CELF2: variants seen among roughly 807,000 people sequenced by gnomAD.
The protein encoded by CELF2 is CUG triplet repeat RNA-binding protein 2.
A neutral mutation model predicts 62.6 loss-of-function variants in CELF2; 8 were observed. The observed-to-expected ratio is 0.13, with a 90% CI of 0.07 to 0.23. CELF2 has a LOEUF of 0.23. Among genes scored for constraint, CELF2 ranks in the 10% least tolerant of loss-of-function variants. The pLI, the probability that CELF2 is intolerant of heterozygous loss-of-function variation, is 1.00. For synonymous variants in CELF2, 258 were observed against 250.0 expected, an observed-to-expected ratio of 1.03 and a Z score of -0.30; for missense variants, 333 against 671.0, an observed-to-expected ratio of 0.50 and a Z score of 5.56.
intron 1 of CELF2, among the ~76,000 whole-genome samples, chr10:11,056,357 T>C (rs1266492133): frequency 6.6e-6 from 1 of 152,252 alleles, no homozygotes; most frequent in African/African-American, 2.4e-5. Flanking sequence ...CTAAGATGCA[T>C]AGCTAGGAAT....
the CELF2 span, among the ~76,000 whole-genome samples, chr10:10,512,822 C>T: frequency 9.2e-5 from 14 of 152,272 alleles, no homozygotes; most frequent in Non-Finnish European, 1.3e-4. Flanking sequence ...TACTGAATTT[C>T]GTTTGGCATC....
rs1218742732 is a variant in CELF2 at position 11,280,283 on chromosome 10, G to A, written c.841+5163G>A. On this transcript the variant is annotated intron_variant, in intron 8 of 12. Coordinates refer to ENST00000633077, the MANE Select transcript of CELF2 (RefSeq NM_001326342.2). The surrounding 1 kb of genome is among the most constrained non-coding windows in gnomAD (Gnocchi z 7.6). ...AGGGGAGTTGCAGGAGAGGCCCCGC[G>A]CCCCATCCAGGAGCAGGCCTGCGCC... Among the ~76,000 whole-genome samples the A allele has an allele frequency of 1.3e-5, 2 of 152,120 alleles. No homozygotes were observed. Among genetic ancestry groups the A allele is most frequent in the African/African-American group, 4.8e-5 (2 of 41,382 alleles).
At position 11,268,693 on chromosome 10, in the gene CELF2, G is replaced by C. The variant is rs2082851491; in HGVS notation, c.619-1973G>C. On this transcript the variant is annotated intron_variant, in intron 6 of 12. Transcript: ENST00000633077. This position sits in a 1 kb window ranked among gnomAD's most constrained non-coding sequence, Gnocchi z 4.7. The stretch of plus-strand genomic sequence containing the variant: ...GGGTCCTCTGACACTTAAATTTCTT[G>C]TTTGGTTTTTTTTTTAATTGGCATT... Among the ~76,000 whole-genome samples the C allele has an allele frequency of 2.7e-5, 2 of 72,836 alleles. No homozygotes were observed. The highest frequency in any genetic ancestry group is 2.6e-4 in the Admixed American group (2 of 7,652). The allele number at this position is 72,836 out of a possible 152,430, so 47.8% of individuals were successfully genotyped here.
rs73579418 is a variant in CELF2, at chr10:10,971,427, C to T, written c.89+51428C>T. Among the ~76,000 whole-genome samples, 1,063 of 152,288 alleles carry T rather than the reference C, an allele frequency of 7.0e-3. 15 individuals are homozygous for T. The highest frequency in any genetic ancestry group is 0.024 in the African/African-American group (1,002 of 41,556). On this transcript the variant is annotated intron_variant, in intron 2 of 13. Transcript: ENST00000636488. ...TCGCTCACTTGCTTTTTCTATCCAG[C>T]CTATAAATTTGCAAAATGCTCTGCC...
chr10:11,072,413 A>G (rs1325626097), intron 1 of CELF2, among the ~76,000 whole-genome samples: 3 of 152,168 alleles, frequency 2.0e-5, no homozygotes, highest in Admixed American at 6.5e-5. Context: ...GAATGGTTGG[A>G]CTGTGTTTCC....
chr10:11,193,760 T>A (rs919862431), intron 2 of CELF2, among the ~76,000 whole-genome samples: 2 of 152,238 alleles, frequency 1.3e-5, no homozygotes, highest in African/African-American at 4.8e-5. Flanking sequence ...GACTGTTTGA[T>A]CTTATGCATG....
At chr10:11,099,522 T>C (rs987722802) in intron 1 of CELF2, among the ~76,000 whole-genome samples, 1 of 152,170 alleles carries the variant, frequency 6.6e-6, no homozygotes, top group African/African-American at 2.4e-5. Context: ...ATTTTAGAGA[T>C]GGATTAAAAA....
At chr10:10,853,820 G>A (rs1591204457) in intron 1 of CELF2, among the ~76,000 whole-genome samples, 1 of 152,064 alleles carries the variant, frequency 6.6e-6, no homozygotes, top group Non-Finnish European at 1.5e-5. Context: ...AGAAAATCAG[G>A]AAGCCACTAG....
intron 1 of CELF2, among the ~76,000 whole-genome samples, chr10:11,158,515 A>G (rs2065014398): frequency 6.6e-6 from 1 of 151,986 alleles, no homozygotes; most frequent in African/African-American, 2.4e-5. Flanking sequence ...ACAGAAGGAA[A>G]TGAGTTGCCT....
chr10:11,263,380 C>G (rs951821945), intron 5 of CELF2, among the ~76,000 whole-genome samples: 2 of 152,004 alleles, frequency 1.3e-5, no homozygotes, highest in South Asian at 4.2e-4. Flanking sequence ...TGTTGTCTTA[C>G]CAAAACTCCC....
chr10:11,260,264 C>T lies in CELF2; in HGVS notation c.538+2392C>T, dbSNP rs970650427. On this transcript the variant is annotated intron_variant, in intron 5 of 12. Transcript: ENST00000633077. The surrounding 1 kb of genome is among the most constrained non-coding windows in gnomAD (Gnocchi z 4.2). ...CATGTGTTAGCGGAGAGACCCCGGG[C>T]GGGCAGTATGTGTGCTTGATTTCTG... Among the ~76,000 whole-genome samples the T allele has an allele frequency of 2.6e-5, 4 of 152,176 alleles. No individual in the cohort carries two copies. Among genetic ancestry groups the T allele is most frequent in the Admixed American group, 6.5e-5 (1 of 15,284 alleles).
the CELF2 span, among the ~76,000 whole-genome samples, chr10:10,588,486 C>T: frequency 6.6e-6 from 1 of 152,124 alleles, no homozygotes; most frequent in African/African-American, 2.4e-5. Context: ...GATTGTACCA[C>T]CCTGGGATAC....
At chr10:11,230,064 C>T (rs1173588550) in intron 3 of CELF2, among the ~76,000 whole-genome samples, 1 of 152,134 alleles carries the variant, frequency 6.6e-6, no homozygotes, top group East Asian at 1.9e-4. Context: ...CATCATCTTC[C>T]CACAGGTACA....
intron 2 of CELF2, among the ~76,000 whole-genome samples, chr10:10,986,470 A>G (rs2136533223): frequency 6.6e-6 from 1 of 152,300 alleles, no homozygotes; most frequent in South Asian, 2.1e-4. Flanking sequence ...TAAAGGTGAA[A>G]ACGTGTGATA....
chr10:11,107,285 C>A (rs1432592808), intron 1 of CELF2, among the ~76,000 whole-genome samples: 1 of 152,116 alleles, frequency 6.6e-6, no homozygotes, highest in East Asian at 1.9e-4. Context: ...CCTAGGGGGG[C>A]AGCTCCAGGC....
At chr10:10,821,287 G>T (rs1213661313) in intron 1 of CELF2, among the ~76,000 whole-genome samples, 1 of 152,140 alleles carries the variant, frequency 6.6e-6, no homozygotes, top group Non-Finnish European at 1.5e-5. Context: ...AATCTTTCTA[G>T]ACCTCACTTG....
At chr10:10,618,609 T>A in the CELF2 span, among the ~76,000 whole-genome samples, 1 of 152,114 alleles carries the variant, frequency 6.6e-6, no homozygotes, top group South Asian at 2.1e-4. Context: ...CTTGTTCTCA[T>A]GAGACTGTAA....
intron 2 of CELF2, among the ~76,000 whole-genome samples, chr10:11,196,248 A>G (rs1353797540): frequency 6.6e-6 from 1 of 152,234 alleles, no homozygotes; most frequent in Admixed American, 6.5e-5. Flanking sequence ...GAAAATGAAG[A>G]TGGGGAGTAA....
the CELF2 span, among the ~76,000 whole-genome samples, chr10:10,568,627 A>T: frequency 6.6e-6 from 1 of 152,184 alleles, no homozygotes; most frequent in Non-Finnish European, 1.5e-5. Flanking sequence ...CCTTTCTTGG[A>T]TGTAACAGGA....
Sources: allele counts gnomAD v4.1 joint callset (sites outside exome capture counted in the v4.1 genomes callset), GRCh38; gene constraint gnomAD v4.1.1; non-coding constraint Gnocchi (gnomAD v3.1); transcripts MANE v1.5; gene names NCBI Gene and HGNC (gene_info 2026-07-23, HGNC 2026-07-21).